The following AGO1 variants were observed in gnomAD, a reference collection of about 807,000 sequenced individuals.
The protein encoded by AGO1 is protein argonaute-1.
AGO1 carries 11 observed loss-of-function variants against 109.2 expected under a neutral mutation model. The observed-to-expected ratio is 0.10, with a 90% CI of 0.06 to 0.17. The LOEUF is 0.17. Among genes scored for constraint, AGO1 ranks in the 10% least tolerant of loss-of-function variants. The probability of loss-of-function intolerance (pLI) is 1.00; values close to 1 mark genes in which losing one functional copy is unlikely to be tolerated. For missense variants in AGO1, 574 were observed against 1,140.3 expected, an observed-to-expected ratio of 0.50 and a Z score of 7.15; for synonymous variants, 422 against 418.6, an observed-to-expected ratio of 1.01 and a Z score of -0.10.
chr1:35,904,370 A>G (rs1333681314), intron 11 of AGO1, among the ~76,000 whole-genome samples: 2 of 152,048 alleles, frequency 1.3e-5, no homozygotes, highest in African/African-American at 2.4e-5. Context: ...CTTCCAAAGT[A>G]CTGGGATCAC....
chr1:35,905,661 G>T (rs1405311783), intron 11 of AGO1, among the ~76,000 whole-genome samples: 1 of 152,030 alleles, frequency 6.6e-6, no homozygotes, highest in Non-Finnish European at 1.5e-5. Flanking sequence ...AGTAGAGACA[G>T]GGTTTCATCA....
At position 35,901,720 on chromosome 1, in the gene AGO1, G is replaced by T; in HGVS notation, c.1140+127G>T. 1 of 1,461,236 alleles carries T rather than the reference G, an allele frequency of 6.8e-7. No individual in the cohort carries two copies. Among genetic ancestry groups the T allele is most frequent in the Admixed American group, 2.1e-5 (1 of 46,512 alleles). The allele number at this position is 1,461,236 out of a possible 1,614,324, so 90.5% of individuals were successfully genotyped here. ...TTGTTGCCTAGGACTGTATAAGGCT[G>T]CTTTTGCTTCTTGACCGTATAGCTA... On this transcript the variant is annotated intron_variant, in intron 9 of 18. Coordinates refer to ENST00000373204, the MANE Select transcript of AGO1 (RefSeq NM_012199.5). The surrounding 1 kb of genome is among the most constrained non-coding windows in gnomAD (Gnocchi z 4.8).
chr1:35,894,889 G>A (rs1645290743), intron 7 of AGO1, among the ~76,000 whole-genome samples: 2 of 152,170 alleles, frequency 1.3e-5, no homozygotes, highest in South Asian at 4.1e-4. Flanking sequence ...TGTGGAACTT[G>A]CCTTTCAAAC....
At chr1:35,892,521 C>T in intron 2 of AGO1, 36 bp from the exon 3 acceptor site, 1 of 1,614,046 alleles carries the variant, frequency 6.2e-7, no homozygotes, top group Non-Finnish European at 8.5e-7. Context: ...TGGTGGTAGT[C>T]TCTCAGCTTC....
intron 3 of AGO1, 33 bp downstream of exon 3, chr1:35,892,710 G>A: frequency 6.2e-7 from 1 of 1,612,892 alleles, no homozygotes; most frequent in Non-Finnish European, 8.5e-7. Context: ...GCCTGTGTCA[G>A]GGGTCTGGGG....
chr1:35,886,379 G>A (rs933306212), intron 1 of AGO1, among the ~76,000 whole-genome samples: 1 of 152,164 alleles, frequency 6.6e-6, no homozygotes, highest in African/African-American at 2.4e-5. Context: ...GCTTCCTGCT[G>A]TCTTTCCTAG....
At chr1:35,907,546 TCTC>T (rs1464311434) in intron 12 of AGO1, among the ~76,000 whole-genome samples, 1 of 152,134 alleles carries the variant, frequency 6.6e-6, no homozygotes, top group Non-Finnish European at 1.5e-5. Context: ...GCTTGCTATC[TCTC>T]CTCTTTTCCT....
intron 1 of AGO1, chr1:35,869,963 G>C (rs530867491): frequency 6.6e-5 from 10 of 152,306 alleles, no homozygotes; most frequent in African/African-American, 2.4e-4. Flanking sequence ...GTTGAAAATG[G>C]GCTCAAGAGC....
At position 35,924,723 on chromosome 1, in the gene AGO1, C is replaced by T. The variant is rs1218020464; in HGVS notation, c.*5116C>T. On this transcript the variant is annotated 3_prime_UTR_variant, in exon 19 of 19. Transcript: ENST00000373204. ...GTAGAGGTTAGCTCCCAGGTTTCTCCTTGACCATAGGAGTGTGTTGGGACA... is the reference window on the plus strand; with the variant it reads ...GTAGAGGTTAGCTCCCAGGTTTCTCTTTGACCATAGGAGTGTGTTGGGACA... 6 of 152,088 alleles carry T rather than the reference C, an allele frequency of 3.9e-5. No individual in the cohort carries two copies. The East Asian group carries it at 1.2e-3, about 29-fold the overall frequency. The allele number at this position is 152,088 out of a possible 1,614,324, so 9.4% of individuals were successfully genotyped here.
chr1:35,916,990 C>G (rs1645746811), intron 15 of AGO1, among the ~76,000 whole-genome samples: 3 of 152,178 alleles, frequency 2.0e-5, no homozygotes, highest in Admixed American at 2.0e-4. Flanking sequence ...CTAATTGATT[C>G]CAAAGTCTAT....
chr1:35,917,556 T>C (rs1056871496), intron 15 of AGO1, 37 bp from the exon 16 acceptor site: 3 of 1,598,868 alleles, frequency 1.9e-6, no homozygotes, highest in African/African-American at 2.7e-5. Context: ...AGGAACTGTG[T>C]ATTTCTTTGT....
At chr1:35,914,146 C>G in intron 13 of AGO1, 38 bp from the exon 14 acceptor site, 2 of 1,605,230 alleles carry the variant, frequency 1.2e-6, no homozygotes, top group Non-Finnish European at 1.7e-6. Flanking sequence ...TAGAGAAGAC[C>G]CAGCGCCTCA....
At chr1:35,911,287 T>C (rs1292508335) in intron 12 of AGO1, among the ~76,000 whole-genome samples, 1 of 152,214 alleles carries the variant, frequency 6.6e-6, no homozygotes, top group Admixed American at 6.5e-5. Flanking sequence ...CCCAGGGTCA[T>C]GAAGATACTA....
rs1645059570 is a variant in AGO1 at position 35,883,298 on chromosome 1, C to T, written c.-124C>T. On this transcript the variant is annotated 5_prime_UTR_variant, in exon 1 of 19. Coordinates refer to ENST00000373204, the MANE Select transcript of AGO1 (RefSeq NM_012199.5). The surrounding 1 kb of genome is among the most constrained non-coding windows in gnomAD (Gnocchi z 5.4). ...GCTGCGGGGGCGGCGGCGCGAGCGGCCGGGCTTGGTAGGGGAGCCGAGCCC... is the reference window on the plus strand; with the variant it reads ...GCTGCGGGGGCGGCGGCGCGAGCGGTCGGGCTTGGTAGGGGAGCCGAGCCC... The T allele has an allele frequency of 2.1e-6, 3 of 1,440,650 alleles. No individual in the cohort carries two copies. Among genetic ancestry groups the T allele is most frequent in the Non-Finnish European group, 2.7e-6 (3 of 1,100,094 alleles). The allele number at this position is 1,440,650 out of a possible 1,614,324, so 89.2% of individuals were successfully genotyped here. A position where few individuals can be genotyped will look rare whatever the true frequency, so the allele number is the denominator to read the frequency against.
chr1:35,917,061 T>C (rs1413636029), intron 15 of AGO1, among the ~76,000 whole-genome samples: 1 of 152,234 alleles, frequency 6.6e-6, no homozygotes, highest in African/African-American at 2.4e-5. Context: ...AGGCAACTAT[T>C]GCCTATGATT....
rs1353978258 is a variant in AGO1 at position 35,920,628 on chromosome 1, C to T, written c.*1021C>T. The T allele has an allele frequency of 1.3e-5, 2 of 152,576 alleles. No homozygotes were observed. The highest frequency in any genetic ancestry group is 4.8e-5 in the African/African-American group (2 of 41,448). 9.5% of individuals were successfully genotyped at this position (152,576 alleles called of 1,614,324 possible). The stretch of plus-strand genomic sequence containing the variant: ...TTGCACTTTCAAACATGACAAGTCT[C>T]GGAGCTGCTGAGATGACAGGCCCCT... On this transcript the variant is annotated 3_prime_UTR_variant, in exon 19 of 19. Transcript: ENST00000373204.
intron 13 of AGO1, 23 bp downstream of exon 13, chr1:35,914,024 G>GGT (rs773854837): frequency 6.2e-7 from 1 of 1,613,538 alleles, no homozygotes; most frequent in South Asian, 1.1e-5. Flanking sequence ...TTGTCCACTT[G>GGT]CCCTTGTCAA....
chr1:35,894,238 G>T (rs1203247709), intron 6 of AGO1, 67 bp downstream of exon 6: 8 of 1,590,976 alleles, frequency 5.0e-6, no homozygotes, highest in Non-Finnish European at 6.9e-6. Context: ...TCCCCTTGGG[G>T]TATGCTCAGG....
At chr1:35,894,574 T>C (rs568420328) in intron 7 of AGO1, among the ~76,000 whole-genome samples, 172 bp downstream of exon 7, 1 of 151,758 alleles carries the variant, frequency 6.6e-6, no homozygotes, top group Admixed American at 6.5e-5. Context: ...CCTTCTCTGA[T>C]CTGTTGATAC....
Sources: allele counts gnomAD v4.1 joint callset (sites outside exome capture counted in the v4.1 genomes callset), GRCh38; gene constraint gnomAD v4.1.1; non-coding constraint Gnocchi (gnomAD v3.1); transcripts MANE v1.5; gene names NCBI Gene and HGNC (gene_info 2026-07-23, HGNC 2026-07-21).